Variants in SLC8A1 observed in about 807,000 individuals in gnomAD.
SLC8A1 encodes the protein solute carrier family 8 member A1, also known as sodium/calcium exchanger 1.
In SLC8A1, 18 loss-of-function variants were observed where a neutral mutation model predicts 68.3. The ratio of observed to expected loss-of-function variants is 0.26; its 90% confidence interval spans 0.18 to 0.39. SLC8A1 has a LOEUF of 0.39. SLC8A1 is among the 10% of genes least tolerant of loss of function. The pLI is 1.00. For synonymous variants in SLC8A1, 475 were observed against 415.5 expected (o/e 1.14, Z -1.74); for missense variants, 985 against 1,156.7 (o/e 0.85, Z 2.15).
At chr2:40,284,696 TG>T (rs2068037913) in intron 2 of SLC8A1, among the ~76,000 whole-genome samples, 1 of 151,008 alleles carries the variant, frequency 6.6e-6, no homozygotes, top group African/African-American at 2.4e-5. Context: ...TCTCATTTTT[TG>T]TTGCTTGGTC....
chr2:40,304,772 C>A (rs1394350127), intron 2 of SLC8A1, among the ~76,000 whole-genome samples: 1 of 152,158 alleles, frequency 6.6e-6, no homozygotes, highest in Non-Finnish European at 1.5e-5. Context: ...GCAACTGGGG[C>A]TCTGAGATCC....
intron 1 of SLC8A1, among the ~76,000 whole-genome samples, chr2:40,466,859 C>A (rs1310487287): frequency 6.6e-6 from 1 of 151,322 alleles, no homozygotes; most frequent in Admixed American, 6.6e-5. Flanking sequence ...ACCTGAAAAA[C>A]TATATATGAT....
At chr2:40,182,854 T>A (rs1008790104) in intron 2 of SLC8A1, among the ~76,000 whole-genome samples, 1 of 152,200 alleles carries the variant, frequency 6.6e-6, no homozygotes, top group African/African-American at 2.4e-5. Flanking sequence ...TGTCCTTCTA[T>A]GGTTTCTTTT....
At chr2:40,300,095 T>C (rs541950574) in intron 2 of SLC8A1, among the ~76,000 whole-genome samples, 1 of 152,174 alleles carries the variant, frequency 6.6e-6, no homozygotes, top group South Asian at 2.1e-4. Flanking sequence ...GGCCACAGGA[T>C]CTTCTAAGTC....
intron 4 of SLC8A1, 28 bp downstream of exon 5, chr2:40,174,797 G>C: frequency 6.2e-7 from 1 of 1,605,658 alleles, no homozygotes; most frequent in Non-Finnish European, 8.5e-7. Flanking sequence ...GTAAAAGTTA[G>C]ATAGCATTAG....
chr2:40,127,996 G>C (rs2038507815), intron 7 of SLC8A1, among the ~76,000 whole-genome samples: 1 of 152,148 alleles, frequency 6.6e-6, no homozygotes, highest in Non-Finnish European at 1.5e-5. Flanking sequence ...TCCTTTTCTG[G>C]AATGAATCAG....
rs2049450382 is a variant in SLC8A1, at chr2:40,181,083, C to T, written c.1809-3228G>A. ...CAAGCGATTCCCCTGCCTCAGCCTC[C>T]TGAGTAGCTGGGATTACAGATGCCC... On this transcript the variant is annotated intron_variant, in intron 2 of 7. Coordinates refer to ENST00000406785, the Ensembl canonical transcript of SLC8A1. 2.0e-5 allele frequency among the ~76,000 whole-genome samples: 3 copies of T among 152,178 alleles called. No homozygotes were observed. In the South Asian group the frequency reaches 6.2e-4, roughly 32 times the overall value.
chr2:40,342,467 T>C lies in SLC8A1; in HGVS notation c.1808+86006A>G, dbSNP rs76297918. On this transcript the variant is annotated intron_variant, in intron 2 of 7. Transcript: ENST00000406785. ...GTGGGATTTGTTAGATGGTAGAATA[T>C]ATTCTGATATTGAAAAGAATAGTAG... Among the ~76,000 whole-genome samples the C allele has an allele frequency of 9.5e-3, 1,445 of 152,168 alleles. 29 individuals are homozygous for C. Among genetic ancestry groups the C allele is most frequent in the African/African-American group, 0.033 (1,378 of 41,572 alleles).
intron 2 of SLC8A1, among the ~76,000 whole-genome samples, chr2:40,376,987 C>A (rs965396931): frequency 1.3e-5 from 2 of 152,036 alleles, no homozygotes; most frequent in Non-Finnish European, 2.9e-5. Context: ...GGGAACAATA[C>A]ATACAACTTG....
intron 2 of SLC8A1, among the ~76,000 whole-genome samples, chr2:40,355,024 T>C (rs1385900421): frequency 6.6e-6 from 1 of 152,172 alleles, no homozygotes; most frequent in Non-Finnish European, 1.5e-5. Context: ...ACTTTAAAAA[T>C]TGTTCTGTTC....
intron 2 of SLC8A1, among the ~76,000 whole-genome samples, chr2:40,350,952 T>C (rs1168509735): frequency 6.6e-6 from 1 of 152,150 alleles, no homozygotes; most frequent in Non-Finnish European, 1.5e-5. Flanking sequence ...ATGAGGCTAG[T>C]ATATGGCAGA....
At chr2:40,405,942 G>C (rs1284537929) in intron 2 of SLC8A1, among the ~76,000 whole-genome samples, 1 of 152,148 alleles carries the variant, frequency 6.6e-6, no homozygotes, top group Non-Finnish European at 1.5e-5. Context: ...TGAAAAATCT[G>C]TTAGCTGAAT....
intron 4 of SLC8A1, among the ~76,000 whole-genome samples, chr2:40,171,719 A>G (rs1396526986): frequency 1.3e-5 from 2 of 152,228 alleles, no homozygotes; most frequent in Non-Finnish European, 2.9e-5. Context: ...GTCTTACTCT[A>G]TAAGATTGGT....
At chr2:40,486,560 T>C (rs931588613) in intron 1 of SLC8A1, among the ~76,000 whole-genome samples, 2 of 152,214 alleles carry the variant, frequency 1.3e-5, no homozygotes, top group African/African-American at 2.4e-5. Context: ...CATGACACTC[T>C]GTATTTGATT....
At chr2:40,464,097 A>G (rs1703518032) in intron 1 of SLC8A1, among the ~76,000 whole-genome samples, 1 of 151,874 alleles carries the variant, frequency 6.6e-6, no homozygotes, top group East Asian at 1.9e-4. Context: ...GTTTCACCAT[A>G]TTGACTAGGC....
At chr2:40,266,542 G>C (rs2065376128) in intron 2 of SLC8A1, among the ~76,000 whole-genome samples, 1 of 152,110 alleles carries the variant, frequency 6.6e-6, no homozygotes, top group South Asian at 2.1e-4. Flanking sequence ...AATGTTAGAG[G>C]GCTGTGGAGA....
At chr2:40,369,797 C>A (rs1677443635) in intron 2 of SLC8A1, among the ~76,000 whole-genome samples, 17 of 151,958 alleles carry the variant, frequency 1.1e-4, no homozygotes, top group Admixed American at 1.1e-3. Flanking sequence ...TGTGGTTGGG[C>A]CTGACAGCCA....
chr2:40,506,912 A>G (rs1706404958), intron 1 of SLC8A1, among the ~76,000 whole-genome samples: 1 of 152,004 alleles, frequency 6.6e-6, no homozygotes, highest in Admixed American at 6.6e-5. Flanking sequence ...GAAAGAGGTA[A>G]GCTTTCATTT....
chr2:40,507,339 A>G (rs1177562095), intron 1 of SLC8A1, among the ~76,000 whole-genome samples: 2 of 152,014 alleles, frequency 1.3e-5, no homozygotes, highest in Non-Finnish European at 2.9e-5. Context: ...TATGGCCACA[A>G]AATAATAATT....
Sources: gnomAD v4.1 joint callset for allele counts (sites outside exome capture counted in the v4.1 genomes callset) on GRCh38, gnomAD v4.1.1 for gene constraint, MANE v1.5 for transcripts, NCBI Gene and HGNC (gene_info 2026-07-23, HGNC 2026-07-21) for gene names.